SLC45A2: variants seen among roughly 807,000 people sequenced by gnomAD.
SLC45A2 encodes the protein solute carrier family 45 member 2.
SLC45A2 carries 36 observed loss-of-function variants against 45.5 expected under a neutral mutation model. That is an observed-to-expected ratio of 0.79 (90% confidence interval 0.61 to 1.04). The LOEUF (loss-of-function observed/expected upper bound fraction) is 1.04, where lower values mean the gene tolerates loss of function less well. Ranked by LOEUF, SLC45A2 falls within the 50% of genes least tolerant of loss-of-function variation. The pLI, the probability that SLC45A2 is intolerant of heterozygous loss-of-function variation, is 0.00. For missense variants in SLC45A2, 719 were observed against 671.0 expected, an observed-to-expected ratio of 1.07 and a Z score of -0.79; for synonymous variants, 306 against 269.3, an observed-to-expected ratio of 1.14 and a Z score of -1.33.
chr5:33,963,881 T>C lies in SLC45A2; in HGVS notation c.698A>G (p.His233Arg). The change falls in exon 3 of 7, where the codon CAT becomes CGT. Residue 233 changes from histidine to arginine, a missense_variant. Transcript: ENST00000296589. Reference protein sequence around the residue: ...ALVLTLCFTVHLCSISEAPLT... With the variant: ...ALVLTLCFTVRLCSISEAPLT... ...TGGGGCTTCAGAGATACTGCACAGA[T>C]GAACAGTAAAACACAAAGTGAGCAC... 1 of 1,614,046 alleles carries C rather than the reference T, an allele frequency of 6.2e-7. No individual in the cohort carries two copies. The highest frequency in any genetic ancestry group is 8.5e-7 in the Non-Finnish European group (1 of 1,180,010).
intron 2 of SLC45A2, among the ~76,000 whole-genome samples, chr5:33,978,824 CCATAGT>C (rs1408327351): frequency 1.3e-5 from 2 of 152,156 alleles, no homozygotes; most frequent in Non-Finnish European, 2.9e-5. Flanking sequence ...GTGTTCCAAG[CCATAGT>C]CATTCATATT....
rs1049619183 is a variant in SLC45A2, at chr5:33,984,455, G to T, written c.129C>A (p.Phe43Leu). The change falls in exon 1 of 7, where the codon TTC becomes TTA. Residue 43 changes from phenylalanine (F) to leucine (L), a missense_variant. Transcript: ENST00000296589. ...SRLIMHSMAMFGREFCYAVEA... is the reference protein window; with the variant it reads ...SRLIMHSMAMLGREFCYAVEA... ...CCACCGCGTAGCAGAACTCTCTTCC[G>T]AACATGGCCATGCTGTGCATGATGA... The T allele has an allele frequency of 8.7e-6, 14 of 1,613,620 alleles. No individual in the cohort carries two copies. Among genetic ancestry groups the T allele is most frequent in the African/African-American group, 1.3e-5 (1 of 74,928 alleles).
chr5:33,970,652 T>G (rs1752751670), intron 2 of SLC45A2, among the ~76,000 whole-genome samples: 1 of 152,174 alleles, frequency 6.6e-6, no homozygotes, highest in African/African-American at 2.4e-5. Flanking sequence ...CCACTTTACC[T>G]CTCAACAACA....
In SLC45A2 at chr5:33,963,736, T is replaced by G; in HGVS notation, c.843A>C (p.Pro281=). The G allele has an allele frequency of 6.2e-7, 1 of 1,614,204 alleles. No homozygotes were observed. Among genetic ancestry groups the G allele is most frequent in the South Asian group, 1.1e-5 (1 of 91,084 alleles). Residue 281 remains proline, a synonymous_variant, in exon 3 of 7, where the codon CCA becomes CCC. Coordinates refer to ENST00000296589, the MANE Select transcript of SLC45A2 (RefSeq NM_016180.5). Reference sequence around the variant, plus strand: ...TTTTTGCTCCCTGCATTGCCAGCTCTGGATTTACGTAACCATTTTTAACTT... The same window carrying G: ...TTTTTGCTCCCTGCATTGCCAGCTCGGGATTTACGTAACCATTTTTAACTT... ...IEKVKNGYVN[P]ELAMQGAKNK...
chr5:33,944,671 G>A lies in SLC45A2; in HGVS notation c.1570C>T (p.Leu524Phe), dbSNP rs565278457. 3.9e-5 allele frequency: 63 copies of A among 1,614,178 alleles called. No homozygotes were observed. The South Asian group carries it at 6.6e-4, about 17-fold the overall frequency. ...ACCTAATCCACATATCTAACAAAGA[G>A]AGCGACAAAGCAACAGCCTATCAGT... ...VALIGCCFVALFVRYVD is the reference protein window; with the variant it reads ...VALIGCCFVAFFVRYVD Residue 524 changes from leucine to phenylalanine, a missense_variant, in exon 7 of 7, where the codon CTC becomes TTC. Coordinates refer to ENST00000296589, the MANE Select transcript of SLC45A2 (RefSeq NM_016180.5).
intron 6 of SLC45A2, 56 bp downstream of exon 6, chr5:33,947,107 C>T (rs1201058086): frequency 1.2e-6 from 2 of 1,614,128 alleles, no homozygotes; most frequent in East Asian, 2.2e-5. Flanking sequence ...CAAATCCTCC[C>T]CAGCCTTCAG....
At chr5:33,944,986 AT>A in intron 6 of SLC45A2, 114 bp from the exon 7 acceptor site, 2 of 954,536 alleles carry the variant, frequency 2.1e-6, no homozygotes, top group Non-Finnish European at 3.3e-6. Context: ...GGCTTCGTGG[AT>A]TATACAGCCC....
intron 2 of SLC45A2, chr5:33,970,921 T>C (rs1752758089): frequency 2.5e-6 from 1 of 401,004 alleles, no homozygotes; most frequent in African/African-American, 2.1e-5. Context: ...CCAGAGTGCA[T>C]GGAGATGGGC....
intron 4 of SLC45A2, among the ~76,000 whole-genome samples, chr5:33,954,160 C>T (rs1164710732): frequency 2.0e-5 from 3 of 152,188 alleles, no homozygotes; most frequent in Non-Finnish European, 4.4e-5. Flanking sequence ...TGATTAAATA[C>T]TGGCAGGCTC....
chr5:33,983,999 T>G (rs1753160322), intron 1 of SLC45A2, among the ~76,000 whole-genome samples, 200 bp downstream of exon 1: 1 of 152,232 alleles, frequency 6.6e-6, no homozygotes, highest in Non-Finnish European at 1.5e-5. Flanking sequence ...GAAACATATT[T>G]ATTTTGATAT....
At chr5:33,958,618 T>C (rs972539786) in intron 3 of SLC45A2, among the ~76,000 whole-genome samples, 2 of 152,182 alleles carry the variant, frequency 1.3e-5, no homozygotes, top group East Asian at 1.9e-4. Flanking sequence ...TTGGGTTCAA[T>C]GGATCCTCCC....
intron 2 of SLC45A2, among the ~76,000 whole-genome samples, chr5:33,967,716 T>G (rs539290759): frequency 1.0e-3 from 153 of 152,122 alleles, no homozygotes; most frequent in African/African-American, 3.6e-3. Context: ...GGTTATACTT[T>G]TATAACCCCT....
Position 33,963,879 on chromosome 5 carries a change from G to T in SLC45A2, c.700C>A (p.Leu234Met). 1 of 1,614,130 alleles carries T rather than the reference G, an allele frequency of 6.2e-7. No individual in the cohort carries two copies. The highest frequency in any genetic ancestry group is 1.7e-5 in the Admixed American group (1 of 60,012). The change falls in exon 3 of 7, where the codon CTG becomes ATG. Residue 234 changes from leucine (L) to methionine (M), a missense_variant. Transcript: ENST00000296589. ...AGTGGGGCTTCAGAGATACTGCACA[G>T]ATGAACAGTAAAACACAAAGTGAGC... ...LVLTLCFTVH[L>M]CSISEAPLTE... is the part of the protein sequence containing the mutation.
intron 6 of SLC45A2, 93 bp from the exon 7 acceptor site, chr5:33,944,965 T>A: frequency 8.5e-7 from 1 of 1,176,020 alleles, no homozygotes; most frequent in Non-Finnish European, 1.2e-6. Flanking sequence ...AGCCAGATAG[T>A]AAATACCTTT....
At chr5:33,973,093 T>A (rs1227213963) in intron 2 of SLC45A2, among the ~76,000 whole-genome samples, 1 of 152,130 alleles carries the variant, frequency 6.6e-6, no homozygotes, top group East Asian at 1.9e-4. Flanking sequence ...TGGGGGTGTG[T>A]GTTTGCGATC....
intron 2 of SLC45A2, chr5:33,971,139 G>A: frequency 1.9e-6 from 1 of 531,244 alleles, no homozygotes; most frequent in South Asian, 1.4e-5. Flanking sequence ...AGTAGCTGAA[G>A]CCAGGAACAA....
At chr5:33,976,670 A>C (rs1752938009) in intron 2 of SLC45A2, among the ~76,000 whole-genome samples, 1 of 152,244 alleles carries the variant, frequency 6.6e-6, no homozygotes, top group Non-Finnish European at 1.5e-5. Flanking sequence ...TAAAGGGAGC[A>C]TTCTGCATGA....
rs183055604 is a variant in SLC45A2 at position 33,972,594 on chromosome 5, C to T, written c.563-8578G>A. On this transcript the variant is annotated intron_variant, in intron 2 of 6. Transcript: ENST00000296589. ...GGTTAGAAAGTGGCTGATTCTAAGACGCTAGAGCTTAAATTGAACTATAAA... is the reference window on the plus strand; with the variant it reads ...GGTTAGAAAGTGGCTGATTCTAAGATGCTAGAGCTTAAATTGAACTATAAA... 362 of 163,928 alleles carry T rather than the reference C, an allele frequency of 2.2e-3. 2 individuals carry two copies. Among genetic ancestry groups the T allele is most frequent in the Middle Eastern group, 0.017 (6 of 354 alleles). 10.2% of individuals were successfully genotyped at this position (163,928 alleles called of 1,614,324 possible).
chr5:33,952,734 G>A (rs1426818014), intron 4 of SLC45A2, among the ~76,000 whole-genome samples: 1 of 123,506 alleles, frequency 8.1e-6, no homozygotes, highest in African/African-American at 3.2e-5. Flanking sequence ...GGGTACATGT[G>A]CACATTGTGC....
Sources: gnomAD v4.1 joint callset for allele counts (sites outside exome capture counted in the v4.1 genomes callset) on GRCh38, gnomAD v4.1.1 for gene constraint, MANE v1.5 for transcripts, NCBI Gene and HGNC (gene_info 2026-07-23, HGNC 2026-07-21) for gene names.